The following ATP13A1 variants were observed in gnomAD, a reference collection of about 807,000 sequenced individuals.
The protein encoded by ATP13A1 is endoplasmic reticulum transmembrane helix translocase.
ATP13A1 carries 55 observed loss-of-function variants against 134.8 expected under a neutral mutation model. The observed-to-expected ratio is 0.41, with a 90% CI of 0.33 to 0.51. The LOEUF is 0.51. Ranked by LOEUF, ATP13A1 falls within the 20% of genes least tolerant of loss-of-function variation. The pLI, the probability that ATP13A1 is intolerant of heterozygous loss-of-function variation, is 0.29. For synonymous variants in ATP13A1, 775 were observed against 725.1 expected, an observed-to-expected ratio of 1.07 and a Z score of -1.10; for missense variants, 1,389 against 1,652.8, an observed-to-expected ratio of 0.84 and a Z score of 2.77.
Position 19,661,688 on chromosome 19 carries a change from C to T in ATP13A1, c.396+1583G>A, listed in dbSNP as rs10417140. 8.3e-3 allele frequency among the ~76,000 whole-genome samples: 1,262 copies of T among 152,336 alleles called. 10 individuals are homozygous for T. Among genetic ancestry groups the T allele is most frequent in the African/African-American group, 0.029 (1,220 of 41,582 alleles). On this transcript the variant is annotated intron_variant, in intron 1 of 25. Coordinates refer to ENST00000357324, the MANE Select transcript of ATP13A1 (RefSeq NM_020410.3). Reference sequence around the variant, plus strand: ...ACAGAAATGTTGAATGGAACTCGTTCAGTGCTCCCTGGACCCCGTGAACCG... The same window carrying T: ...ACAGAAATGTTGAATGGAACTCGTTTAGTGCTCCCTGGACCCCGTGAACCG...
At chr19:19,657,609 G>A (rs942998756) in intron 3 of ATP13A1, among the ~76,000 whole-genome samples, 21 of 152,344 alleles carry the variant, frequency 1.4e-4, no homozygotes, top group African/African-American at 4.8e-4. Flanking sequence ...TGAGCCTGGG[G>A]TAGACATGCT....
intron 17 of ATP13A1, chr19:19,650,538 ACT>A: frequency 6.4e-6 from 1 of 155,110 alleles, no homozygotes; most frequent in Non-Finnish European, 1.4e-5. Context: ...AGGGCAGCAC[ACT>A]TCCACCTGGC....
At position 19,647,144 on chromosome 19, in the gene ATP13A1, G is replaced by A. The variant is rs770238768; in HGVS notation, c.3090C>T (p.Phe1030=). 2 of 1,612,872 alleles carry A rather than the reference G, an allele frequency of 1.2e-6. No individual in the cohort carries two copies. Among genetic ancestry groups the A allele is most frequent in the African/African-American group, 1.3e-5 (1 of 75,040 alleles). ...QGLLLAGCFL[F]ISRSKPLKTL... ...TGGGGCCCACCTTGGAACGGGAGATGAAGAGGAAGCAGCCGGCCAGCAGCA... is the reference window on the plus strand; with the variant it reads ...TGGGGCCCACCTTGGAACGGGAGATAAAGAGGAAGCAGCCGGCCAGCAGCA... Residue 1030 remains phenylalanine (F), a synonymous_variant, in exon 22 of 26, where the codon TTC becomes TTT. Coordinates refer to ENST00000357324, the MANE Select transcript of ATP13A1 (RefSeq NM_020410.3). This position sits in a 1 kb window ranked among gnomAD's most constrained non-coding sequence, Gnocchi z 4.8.
Position 19,653,749 on chromosome 19 carries a change from C to T in ATP13A1, c.2100+35G>A. The T allele has an allele frequency of 1.3e-6, 2 of 1,508,784 alleles. No homozygotes were observed. The highest frequency in any genetic ancestry group is 2.0e-4 in the Middle Eastern group (1 of 5,040). 93.5% of individuals were successfully genotyped at this position (1,508,784 alleles called of 1,614,324 possible). On this transcript the variant is annotated intron_variant, in intron 15 of 25. Transcript: ENST00000357324. The surrounding 1 kb of genome is among the most constrained non-coding windows in gnomAD (Gnocchi z 4.2). ...CTCAGGGAGGAGCTGACGGGCCAGG[C>T]ACATGGTGAAGGCAGGGGGAGCCTG...
chr19:19,647,137 G>A lies in ATP13A1; in HGVS notation c.3097C>T (p.Arg1033Cys), dbSNP rs1041217741. 1.5e-5 allele frequency: 24 copies of A among 1,612,070 alleles called. No homozygotes were observed. The highest frequency in any genetic ancestry group is 2.0e-5 in the Non-Finnish European group (23 of 1,178,898). Reference protein sequence around the residue: ...LLAGCFLFISRSKPLKTLSRE... With the variant: ...LLAGCFLFISCSKPLKTLSRE... ...GCACCTCTGGGGCCCACCTTGGAAC[G>A]GGAGATGAAGAGGAAGCAGCCGGCC... Residue 1033 changes from arginine (R) to cysteine (C), a missense_variant, in exon 22 of 26, where the codon CGT becomes TGT. Around this residue, in one of 4 missense-constraint regions of ATP13A1, gnomAD observed 228 missense variants for 321.0 expected, o/e 0.71. Transcript: ENST00000357324. This position sits in a 1 kb window ranked among gnomAD's most constrained non-coding sequence, Gnocchi z 4.8.
rs1568425015 is a variant in ATP13A1 at position 19,647,345 on chromosome 19, CAGGTGT to C, written c.2909-26_2909-21del. The C allele has an allele frequency of 1.3e-6, 2 of 1,569,006 alleles. No individual in the cohort carries two copies. Among genetic ancestry groups the C allele is most frequent in the South Asian group, 2.3e-5 (2 of 87,894 alleles). On this transcript the variant is annotated intron_variant, in intron 21 of 25. Coordinates refer to ENST00000357324, the MANE Select transcript of ATP13A1 (RefSeq NM_020410.3). The surrounding 1 kb of genome is among the most constrained non-coding windows in gnomAD (Gnocchi z 4.8). ...GGCAGACTGCAGGGTGGTGGGGAGG[CAGGTGT>C]GGGTGTGGGTAGGGGTGCCAAGGGG...
In ATP13A1 at chr19:19,645,344, A is replaced by G; in HGVS notation, c.*78T>C. The G allele has an allele frequency of 6.9e-7, 1 of 1,453,832 alleles. No homozygotes were observed. 90.1% of individuals were successfully genotyped at this position (1,453,832 alleles called of 1,614,324 possible). A position where few individuals can be genotyped will look rare whatever the true frequency, so the allele number is the denominator to read the frequency against. On this transcript the variant is annotated 3_prime_UTR_variant, in exon 26 of 26. Transcript: ENST00000357324. This position sits in a 1 kb window ranked among gnomAD's most constrained non-coding sequence, Gnocchi z 4.1. ...AGCCTTGCTGTGGGGGGTTGGGGGC[A>G]GGGTTCCCTCCCGGGGCCCTGTTGG...
chr19:19,649,760 C>T lies in ATP13A1; in HGVS notation c.2516G>A (p.Arg839His), dbSNP rs757939241. 9.4e-6 allele frequency: 15 copies of T among 1,600,246 alleles called. No individual in the cohort carries two copies. The highest frequency in any genetic ancestry group is 6.6e-5 in the South Asian group (6 of 90,476). The change falls in exon 18 of 26, where the codon CGT (arginine) becomes CAT (histidine). Residue 839 changes from arginine to histidine, a missense_variant. By Grantham distance (29) the Arg-to-His change is conservative. Transcript: ENST00000357324. ...ACATACCTTCTGCTTGGGAGCCACA[C>T]GGGCGAACACCTGCACATGGGGGAT... ...RLIPHVQVFA[R>H]VAPKQKEFVI...
At position 19,651,678 on chromosome 19, in the gene ATP13A1, T is replaced by C; in HGVS notation, c.2335+11A>G. ...CCCCCTTCCCCACTGTGGGCCAGGCTAGGGCCTCACCTTTCTCGGAGGGAG... is the reference window on the plus strand; with the variant it reads ...CCCCCTTCCCCACTGTGGGCCAGGCCAGGGCCTCACCTTTCTCGGAGGGAG... On this transcript the variant is annotated intron_variant, in intron 17 of 25. Transcript: ENST00000357324. 6.2e-7 allele frequency: 1 copy of C among 1,606,086 alleles called. No homozygotes were observed. Among genetic ancestry groups the C allele is most frequent in the Non-Finnish European group, 8.5e-7 (1 of 1,175,726 alleles).
chr19:19,655,289 G>A lies in ATP13A1; in HGVS notation c.1534+27C>T. On this transcript the variant is annotated intron_variant, in intron 11 of 25. Transcript: ENST00000357324. The surrounding 1 kb of genome is among the most constrained non-coding windows in gnomAD (Gnocchi z 5.7). ...GTCCTGCTTGGCCCCAGCCCACTCG[G>A]CACCCCATCCCATTTGACACACTCA... The A allele has an allele frequency of 6.2e-7, 1 of 1,613,958 alleles. No homozygotes were observed. Among genetic ancestry groups the A allele is most frequent in the Non-Finnish European group, 8.5e-7 (1 of 1,179,886 alleles).
At chr19:19,661,846 C>T (rs1221995542) in intron 1 of ATP13A1, among the ~76,000 whole-genome samples, 1 of 152,164 alleles carries the variant, frequency 6.6e-6, no homozygotes, top group Non-Finnish European at 1.5e-5. Context: ...CCAAAGCAGG[C>T]AGCAAATAAC....
At chr19:19,646,038 ACT>A (rs1283217241) in intron 23 of ATP13A1, 53 bp from the exon 24 acceptor site, 6 of 1,594,692 alleles carry the variant, frequency 3.8e-6, no homozygotes, top group Non-Finnish European at 5.1e-6. Flanking sequence ...GCTCACACAC[ACT>A]GTGTGGCTTC....
chr19:19,656,972 T>A lies in ATP13A1; in HGVS notation c.906+22A>T, dbSNP rs1442040698. On this transcript the variant is annotated intron_variant, in intron 5 of 25. Transcript: ENST00000357324. The surrounding 1 kb of genome is among the most constrained non-coding windows in gnomAD (Gnocchi z 4.6). ...CCGCACCTGTGCTGCACCCCCAACC[T>A]GGGTCTCCCTGGCAGCCACACCTGG... 2 of 1,602,694 alleles carry A rather than the reference T, an allele frequency of 1.2e-6. No homozygotes were observed. Among genetic ancestry groups the A allele is most frequent in the Non-Finnish European group, 1.7e-6 (2 of 1,174,650 alleles).
rs2062057208 is a variant in ATP13A1 at position 19,656,261 on chromosome 19, C to T, written c.1084-78G>A. The stretch of plus-strand genomic sequence containing the variant: ...CCATCTGAGTTCCTGGACAGCTGGA[C>T]CTTGAGGCTGGAATGAGCCAGGGGG... On this transcript the variant is annotated intron_variant, in intron 7 of 25. Transcript: ENST00000357324. The surrounding 1 kb of genome is among the most constrained non-coding windows in gnomAD (Gnocchi z 4.6). The T allele has an allele frequency of 6.5e-7, 1 of 1,526,970 alleles. No homozygotes were observed. 94.6% of individuals were successfully genotyped at this position (1,526,970 alleles called of 1,614,324 possible).
chr19:19,645,447 G>A lies in ATP13A1; in HGVS notation c.3590C>T (p.Thr1197Ile). ...ADRVLQFFLG[T>I]PKLKVPS ...TCAGGAAGGCACTTTCAGCTTCGGG[G>A]TCCCCAGGAAGAACTGCAGGACGCG... The change falls in exon 26 of 26, where the codon ACC (threonine) becomes ATC (isoleucine). Residue 1197 changes from threonine (T) to isoleucine (I), a missense_variant. Coordinates refer to ENST00000357324, the MANE Select transcript of ATP13A1 (RefSeq NM_020410.3). This position sits in a 1 kb window ranked among gnomAD's most constrained non-coding sequence, Gnocchi z 4.1. 1 of 1,605,266 alleles carries A rather than the reference G, an allele frequency of 6.2e-7. No individual in the cohort carries two copies. Among genetic ancestry groups the A allele is most frequent in the Non-Finnish European group, 8.5e-7 (1 of 1,176,444 alleles).
Position 19,645,326 on chromosome 19 carries a change from C to T in ATP13A1, c.*96G>A. ...CCAAGGGCGAGACTGTACAGCCTTG[C>T]TGTGGGGGGTTGGGGGCAGGGTTCC... On this transcript the variant is annotated 3_prime_UTR_variant, in exon 26 of 26. Transcript: ENST00000357324. This position sits in a 1 kb window ranked among gnomAD's most constrained non-coding sequence, Gnocchi z 4.1. 1 of 1,341,066 alleles carries T rather than the reference C, an allele frequency of 7.5e-7. No homozygotes were observed. The highest frequency in any genetic ancestry group is 1.3e-5 in the South Asian group (1 of 75,572). The allele number at this position is 1,341,066 out of a possible 1,614,324, so 83.1% of individuals were successfully genotyped here.
At chr19:19,649,094 C>T (rs1422146340) in intron 19 of ATP13A1, among the ~76,000 whole-genome samples, 1 of 151,946 alleles carries the variant, frequency 6.6e-6, no homozygotes, top group African/African-American at 2.4e-5. Context: ...TGTACTCCAG[C>T]CTGGGTGACA....
In ATP13A1 at chr19:19,663,605, C is replaced by T. The variant is rs1490611865; in HGVS notation, c.62G>A (p.Arg21Gln). Residue 21 changes from arginine (R) to glutamine (Q), a missense_variant, in exon 1 of 26, where the codon CGG becomes CAG. Physicochemically the swap from Arg to Gln is conservative, Grantham distance 43. Transcript: ENST00000357324. ...VPCGARPCGV[R>Q]PDGQPKPGPQ... ...CCCGGGCTTGGGCTGCCCGTCAGGC[C>T]GGACCCCGCAAGGCCGGGCCCCGCA... 6 of 1,421,836 alleles carry T rather than the reference C, an allele frequency of 4.2e-6. No homozygotes were observed. The highest frequency in any genetic ancestry group is 2.7e-6 in the Non-Finnish European group (3 of 1,098,554). 88.1% of individuals were successfully genotyped at this position (1,421,836 alleles called of 1,614,324 possible).
rs372187284 is a variant in ATP13A1, at chr19:19,645,716, G to A, written c.3435C>T (p.Ile1145=). ...GCGAGGAGCCGAGGAGCAGGCCAAT[G>A]ATGGCCAGGAGTGAAACTGCCAGAC... ...VWSLAVSLLA[I]IGLLLGSSPD... The change falls in exon 25 of 26, where the codon ATC becomes ATT. Residue 1145 remains isoleucine, a synonymous_variant. Coordinates refer to ENST00000357324, the MANE Select transcript of ATP13A1 (RefSeq NM_020410.3). This position sits in a 1 kb window ranked among gnomAD's most constrained non-coding sequence, Gnocchi z 4.1. The A allele has an allele frequency of 1.5e-4, 241 of 1,593,694 alleles. No homozygotes were observed. Among genetic ancestry groups the A allele is most frequent in the Non-Finnish European group, 1.9e-4 (228 of 1,170,636 alleles).
Sources: gnomAD v4.1 joint callset for allele counts (sites outside exome capture counted in the v4.1 genomes callset) on GRCh38, gnomAD v4.1.1 for gene constraint, gnomAD v4.1.1 regional missense constraint, Gnocchi (gnomAD v3.1) non-coding constraint, MANE v1.5 for transcripts, NCBI Gene and HGNC (gene_info 2026-07-23, HGNC 2026-07-21) for gene names.